Variants in ADGRL4 observed in about 807,000 individuals in gnomAD.
The protein encoded by ADGRL4 is adhesion G protein-coupled receptor L4.
Under a neutral mutation model 74.8 loss-of-function variants are expected in ADGRL4, and 90 were observed. That is an observed-to-expected ratio of 1.20 (90% CI 1.02 to 1.43). The LOEUF (loss-of-function observed/expected upper bound fraction) is 1.43, where lower values mean the gene tolerates loss of function less well. Ranked by LOEUF, ADGRL4 falls within the 40% of genes most tolerant of loss-of-function variation. ADGRL4 has a pLI of 0.00. For synonymous variants in ADGRL4, 311 were observed against 279.2 expected (o/e 1.11, Z -1.14); for missense variants, 881 against 814.3 (o/e 1.08, Z -1.00).
At chr1:78,910,933 A>G (rs1018356180) in intron 12 of ADGRL4, among the ~76,000 whole-genome samples, 5 of 151,874 alleles carry the variant, frequency 3.3e-5, no homozygotes, top group African/African-American at 1.2e-4. Flanking sequence ...TACTTTAGTA[A>G]GATCAATGCA....
chr1:78,918,109 C>G, intron 10 of ADGRL4, 59 bp from the exon 11 acceptor site: 2 of 1,368,460 alleles, frequency 1.5e-6, no homozygotes, highest in Non-Finnish European at 2.0e-6. Context: ...ATTATCATAA[C>G]ATACAATCTC....
intron 2 of ADGRL4, among the ~76,000 whole-genome samples, chr1:78,993,900 G>C (rs1650664839): frequency 6.6e-6 from 1 of 152,074 alleles, no homozygotes; most frequent in African/African-American, 2.4e-5. Flanking sequence ...AAGTGCCAGT[G>C]ATTTTACACT....
At chr1:78,904,418 ATTG>A (rs1231842416) in intron 12 of ADGRL4, among the ~76,000 whole-genome samples, 1 of 152,068 alleles carries the variant, frequency 6.6e-6, no homozygotes, top group Non-Finnish European at 1.5e-5. Flanking sequence ...TATTTTAAAT[ATTG>A]TTATTTCATC....
intron 1 of ADGRL4, among the ~76,000 whole-genome samples, chr1:79,005,823 AT>A (rs532285392): frequency 6.6e-6 from 1 of 152,148 alleles, no homozygotes; most frequent in Admixed American, 6.5e-5. Flanking sequence ...CACTGTTTTT[AT>A]TTTCCATTAG....
intron 2 of ADGRL4, among the ~76,000 whole-genome samples, chr1:78,979,698 C>T (rs1650362018): frequency 6.6e-6 from 1 of 151,846 alleles, no homozygotes; most frequent in South Asian, 2.1e-4. Context: ...AATGTATACA[C>T]CATGGAATAC....
At chr1:78,946,195 G>T (rs1441055716) in intron 3 of ADGRL4, 79 bp downstream of exon 3, 4 of 1,145,352 alleles carry the variant, frequency 3.5e-6, no homozygotes, top group Non-Finnish European at 4.8e-6. Flanking sequence ...GGCAGAATTT[G>T]GTTTGAATAT....
rs762373044 is a variant in ADGRL4, at chr1:79,005,238, T to G, written c.23-19A>C. 12 of 1,573,676 alleles carry G rather than the reference T, an allele frequency of 7.6e-6. No individual in the cohort carries two copies. Among genetic ancestry groups the G allele is most frequent in the Non-Finnish European group, 9.5e-6 (11 of 1,159,104 alleles). ...AAAACCACTAAATAAAATAGAGAAA[T>G]ACACCTTTTCAAAAAGTAAAACAAA... On this transcript the variant is annotated intron_variant, in intron 1 of 14. Transcript: ENST00000370742.
intron 12 of ADGRL4, among the ~76,000 whole-genome samples, chr1:78,903,195 C>G (rs1351936036): frequency 1.3e-5 from 2 of 152,144 alleles, no homozygotes; most frequent in Non-Finnish European, 2.9e-5. Flanking sequence ...GGAATCCACC[C>G]TCTTTATCTT....
intron 2 of ADGRL4, among the ~76,000 whole-genome samples, chr1:78,949,314 G>A (rs1649676099): frequency 6.6e-6 from 1 of 151,958 alleles, no homozygotes; most frequent in Non-Finnish European, 1.5e-5. Context: ...TTAATAGGTA[G>A]AAAAAAACAA....
chr1:78,942,951 A>T (rs2100692828), intron 3 of ADGRL4, among the ~76,000 whole-genome samples: 1 of 152,178 alleles, frequency 6.6e-6, no homozygotes, highest in South Asian at 2.1e-4. Flanking sequence ...AATAATAATG[A>T]TAATAATAAT....
At chr1:79,001,234 G>A (rs1342884215) in intron 2 of ADGRL4, among the ~76,000 whole-genome samples, 2 of 137,322 alleles carry the variant, frequency 1.5e-5, no homozygotes, top group Non-Finnish European at 3.2e-5. Context: ...AGGGAGGGAG[G>A]GAGGGAGGGA....
At chr1:78,903,391 A>G (rs1648559208) in intron 12 of ADGRL4, among the ~76,000 whole-genome samples, 1 of 152,142 alleles carries the variant, frequency 6.6e-6, no homozygotes, top group Non-Finnish European at 1.5e-5. Flanking sequence ...TTACTTCTAC[A>G]GTGTGCTATG....
chr1:78,904,126 T>C (rs899270962), intron 12 of ADGRL4, among the ~76,000 whole-genome samples: 1 of 151,860 alleles, frequency 6.6e-6, no homozygotes, highest in African/African-American at 2.4e-5. Flanking sequence ...ATGTATTCCT[T>C]TATATACTCC....
intron 2 of ADGRL4, among the ~76,000 whole-genome samples, chr1:78,992,962 T>C (rs1232625431): frequency 6.6e-6 from 1 of 152,126 alleles, no homozygotes; most frequent in Non-Finnish European, 1.5e-5. Flanking sequence ...TTATCCTGGA[T>C]AATACATTTA....
Position 78,928,933 on chromosome 1 carries a change from A to G in ADGRL4, c.878-1842T>C, listed in dbSNP as rs943804539. Among the ~76,000 whole-genome samples the G allele has an allele frequency of 2.6e-5, 4 of 151,482 alleles. 1 individual carries two copies. Among genetic ancestry groups the G allele is most frequent in the African/African-American group, 9.8e-5 (4 of 40,800 alleles). On this transcript the variant is annotated intron_variant, in intron 7 of 14. Coordinates refer to ENST00000370742, the MANE Select transcript of ADGRL4 (RefSeq NM_022159.4). ...TCCCATATCAATTTTACCCACATAC[A>G]CTATGCAATGAACTCCTTAGAGAAT...
chr1:78,934,063 G>GA (rs934149908), intron 7 of ADGRL4, among the ~76,000 whole-genome samples: 8 of 151,818 alleles, frequency 5.3e-5, no homozygotes, highest in South Asian at 4.2e-4. Flanking sequence ...CACAGAATTA[G>GA]AAAAAAAATA....
intron 10 of ADGRL4, 31 bp downstream of exon 10, chr1:78,920,152 G>T: frequency 2.0e-6 from 3 of 1,533,612 alleles, no homozygotes. Flanking sequence ...CATATCATAG[G>T]ACAAAAATAG....
chr1:78,982,220 C>T (rs765712387), intron 2 of ADGRL4, among the ~76,000 whole-genome samples: 1 of 151,524 alleles, frequency 6.6e-6, no homozygotes, highest in Non-Finnish European at 1.5e-5. Context: ...AAAATATAAG[C>T]CATTTTGCTC....
chr1:78,943,297 G>A (rs187150376), intron 3 of ADGRL4, among the ~76,000 whole-genome samples: 1 of 152,226 alleles, frequency 6.6e-6, no homozygotes, highest in East Asian at 1.9e-4. Context: ...TTTGGTTTTA[G>A]GAGATTGACT....
Sources: allele counts gnomAD v4.1 joint callset (sites outside exome capture counted in the v4.1 genomes callset), GRCh38; gene constraint gnomAD v4.1.1; transcripts MANE v1.5; gene names NCBI Gene and HGNC (gene_info 2026-07-23, HGNC 2026-07-21).